The following ALDH1L2 variants were observed in gnomAD, a reference collection of about 807,000 sequenced individuals.
ALDH1L2 encodes the protein aldehyde dehydrogenase 1 family member L2.
In ALDH1L2, 91 loss-of-function variants were observed where a neutral mutation model predicts 111.0. The ratio of observed to expected loss-of-function variants is 0.82; its 90% CI spans 0.69 to 0.98. The LOEUF (loss-of-function observed/expected upper bound fraction) is 0.98, where lower values mean the gene tolerates loss of function less well. ALDH1L2 is among the 50% of genes least tolerant of loss of function. The pLI is 0.00. For missense variants in ALDH1L2, 995 were observed against 1,126.8 expected, an observed-to-expected ratio of 0.88 and a Z score of 1.67; for synonymous variants, 374 against 392.6, an observed-to-expected ratio of 0.95 and a Z score of 0.56.
At chr12:105,049,507 T>G (rs75433092) in intron 13 of ALDH1L2, 15,700 of 152,980 alleles carry the variant, frequency 0.1, 913 homozygotes, top group Middle Eastern at 0.16. Flanking sequence ...AGGAGGTGTT[T>G]AGGTCGTGAG....
chr12:105,046,051 C>T (rs4412819), intron 15 of ALDH1L2, among the ~76,000 whole-genome samples: 55,837 of 150,358 alleles, frequency 0.37, 10,579 homozygotes, highest in South Asian at 0.52. Flanking sequence ...TGAAAACTAC[C>T]TGAACTATTT....
chr12:105,050,635 T>C (rs1876198504), intron 12 of ALDH1L2: 1 of 450,838 alleles, frequency 2.2e-6, no homozygotes, highest in Non-Finnish European at 4.4e-6. Context: ...TTGGGGCCAC[T>C]CTAGAGTCCA....
Position 105,044,343 on chromosome 12 carries a change from C to T in ALDH1L2, c.1863+2367G>A, listed in dbSNP as rs77668440. Among the ~76,000 whole-genome samples, 723 of 151,870 alleles carry T rather than the reference C, an allele frequency of 4.8e-3. 4 individuals carry two copies. The highest frequency in any genetic ancestry group is 0.016 in the African/African-American group (684 of 41,480). ...CTATCCTGGCTGTGCCTTGGAAAAA[C>T]GTGACGCTTTTAAGCAATACCAATG... On this transcript the variant is annotated intron_variant, in intron 15 of 22. Coordinates refer to ENST00000258494, the MANE Select transcript of ALDH1L2 (RefSeq NM_001034173.4).
At chr12:105,076,825 G>T (rs957222232) in intron 1 of ALDH1L2, among the ~76,000 whole-genome samples, 3 of 152,078 alleles carry the variant, frequency 2.0e-5, no homozygotes, top group Non-Finnish European at 4.4e-5. Context: ...ACTATGTTGA[G>T]CCCTTTTCAT....
At chr12:105,030,299 G>T (rs1251987790) in intron 21 of ALDH1L2, 25 bp downstream of exon 21, 1 of 1,592,884 alleles carries the variant, frequency 6.3e-7, no homozygotes, top group Admixed American at 1.7e-5. Flanking sequence ...CAAAACCTAA[G>T]TTACATTGTG....
At chr12:105,028,696 T>C (rs998661569) in intron 21 of ALDH1L2, among the ~76,000 whole-genome samples, 16 of 152,234 alleles carry the variant, frequency 1.1e-4, no homozygotes. Flanking sequence ...GGGAGAAAGA[T>C]GGTTTTATGC....
rs1275348377 is a variant in ALDH1L2, at chr12:105,036,413, C to T, written c.2145+1690G>A. On this transcript the variant is annotated intron_variant, in intron 18 of 22. Coordinates refer to ENST00000258494, the MANE Select transcript of ALDH1L2 (RefSeq NM_001034173.4). ...TATGTGTATATATATTATATATATA[C>T]GTATATTTATATATGTGTATATATT... Among the ~76,000 whole-genome samples, 6 of 56,512 alleles carry T rather than the reference C, an allele frequency of 1.1e-4. 1 individual carries two copies. The highest frequency in any genetic ancestry group is 1.9e-4 in the Non-Finnish European group (6 of 32,360). 37.1% of individuals were successfully genotyped at this position (56,512 alleles called of 152,430 possible). A position where few individuals can be genotyped will look rare whatever the true frequency, so the allele number is the denominator to read the frequency against.
At chr12:105,036,040 T>G (rs1161476775) in intron 18 of ALDH1L2, among the ~76,000 whole-genome samples, 1 of 104,022 alleles carries the variant, frequency 9.6e-6, no homozygotes, top group South Asian at 2.8e-4. Context: ...CGTATATTTA[T>G]ATATGTGTAT....
At chr12:105,029,207 A>T (rs1253329915) in intron 21 of ALDH1L2, among the ~76,000 whole-genome samples, 3 of 150,074 alleles carry the variant, frequency 2.0e-5, no homozygotes, top group African/African-American at 4.9e-5. Flanking sequence ...TTTAAAAAAA[A>T]TTTTTGTAGA....
chr12:105,035,362 C>T (rs1306979413), intron 18 of ALDH1L2, among the ~76,000 whole-genome samples: 1 of 151,956 alleles, frequency 6.6e-6, no homozygotes, highest in Non-Finnish European at 1.5e-5. Context: ...TTCTCTCTGT[C>T]GCCCAGGCTG....
chr12:105,052,726 GCTT>G, intron 11 of ALDH1L2, 83 bp downstream of exon 11: 1 of 1,521,514 alleles, frequency 6.6e-7, no homozygotes, highest in Non-Finnish European at 8.9e-7. Flanking sequence ...GAATAAAAGG[GCTT>G]CTTAAGACTG....
chr12:105,073,473 A>G (rs898005752), intron 2 of ALDH1L2, among the ~76,000 whole-genome samples: 7 of 152,350 alleles, frequency 4.6e-5, no homozygotes, highest in Admixed American at 3.9e-4. Flanking sequence ...TCATTCTGAA[A>G]GGAGGTCTAA....
intron 11 of ALDH1L2, 145 bp downstream of exon 11, chr12:105,052,667 A>C: frequency 1.0e-6 from 1 of 993,588 alleles, no homozygotes; most frequent in Non-Finnish European, 1.5e-6. Flanking sequence ...AGTCATTGAA[A>C]GAAAAGCATG....
rs1875430223 is a variant in ALDH1L2, at chr12:105,040,076, A to G, written c.1952-270T>C. 2.1e-5 allele frequency among the ~76,000 whole-genome samples: 3 copies of G among 146,248 alleles called. No homozygotes were observed. The Admixed American group carries it at 2.1e-4, about 10-fold the overall frequency. On this transcript the variant is annotated intron_variant, in intron 16 of 22. Coordinates refer to ENST00000258494, the MANE Select transcript of ALDH1L2 (RefSeq NM_001034173.4). Reference sequence around the variant, plus strand: ...AGGAGGCGGAGGTTGCAGTGGGCCAAGATCGCGCCTTTGCACTCCAGCCGG... The same window carrying G: ...AGGAGGCGGAGGTTGCAGTGGGCCAGGATCGCGCCTTTGCACTCCAGCCGG...
intron 4 of ALDH1L2, among the ~76,000 whole-genome samples, chr12:105,067,871 C>T (rs1284934384): frequency 6.6e-6 from 1 of 152,172 alleles, no homozygotes; most frequent in African/African-American, 2.4e-5. Flanking sequence ...TTTATGAGCA[C>T]CTACCATGGG....
At chr12:105,043,989 T>A (rs1875691579) in intron 15 of ALDH1L2, among the ~76,000 whole-genome samples, 1 of 152,238 alleles carries the variant, frequency 6.6e-6, no homozygotes, top group Non-Finnish European at 1.5e-5. Flanking sequence ...AATTCAGTCC[T>A]CTTGACTTTC....
intron 15 of ALDH1L2, among the ~76,000 whole-genome samples, chr12:105,043,681 A>G (rs915689082): frequency 1.3e-5 from 2 of 152,242 alleles, no homozygotes; most frequent in Admixed American, 1.3e-4. Context: ...TGATTTATAA[A>G]TAAAATAAAT....
At chr12:105,073,433 G>C (rs1388872172) in intron 2 of ALDH1L2, among the ~76,000 whole-genome samples, 1 of 151,576 alleles carries the variant, frequency 6.6e-6, no homozygotes, top group African/African-American at 2.4e-5. Context: ...CCTGGGACCA[G>C]GCACTAAGGA....
chr12:105,041,174 C>T (rs943651169), intron 15 of ALDH1L2, among the ~76,000 whole-genome samples: 4 of 152,214 alleles, frequency 2.6e-5, no homozygotes, highest in African/African-American at 7.2e-5. Flanking sequence ...CCAATAATGT[C>T]TTACAGCAAA....
Sources: allele counts gnomAD v4.1 joint callset (sites outside exome capture counted in the v4.1 genomes callset), GRCh38; gene constraint gnomAD v4.1.1; transcripts MANE v1.5; gene names NCBI Gene and HGNC (gene_info 2026-07-23, HGNC 2026-07-21).